Variants in ARHGAP12 observed in about 807,000 individuals in gnomAD.
ARHGAP12 encodes Rho GTPase activating protein 12.
Under a neutral mutation model 108.6 loss-of-function variants are expected in ARHGAP12, and 64 were observed. The ratio of observed to expected loss-of-function variants is 0.59; its 90% CI spans 0.48 to 0.73. The LOEUF is 0.73. Among genes scored for constraint, ARHGAP12 ranks in the 30% least tolerant of loss-of-function variants. The pLI, the probability that ARHGAP12 is intolerant of heterozygous loss-of-function variation, is 0.00. For synonymous variants in ARHGAP12, 312 were observed against 337.2 expected (o/e 0.93, Z 0.82); for missense variants, 940 against 1,005.9 (o/e 0.93, Z 0.89).
In ARHGAP12 at chr10:31,898,869, A is replaced by G. The variant is rs138530973; in HGVS notation, c.684+9303T>C. Among the ~76,000 whole-genome samples, 32 of 152,318 alleles carry G rather than the reference A, an allele frequency of 2.1e-4. No homozygotes were observed. In the East Asian group the frequency reaches 4.8e-3, roughly 23 times the overall value. On this transcript the variant is annotated intron_variant, in intron 3 of 19. Transcript: ENST00000344936. ...AATAGTGTAACAACAACAAACAAAA[A>G]AAAACACGTCCACAGATGTTTATAG...
chr10:31,871,192 C>T (rs1442359614), intron 3 of ARHGAP12, among the ~76,000 whole-genome samples: 1 of 152,170 alleles, frequency 6.6e-6, no homozygotes, highest in Non-Finnish European at 1.5e-5. Flanking sequence ...ACTTCAAGCA[C>T]AAGCAACACT....
intron 1 of ARHGAP12, among the ~76,000 whole-genome samples, chr10:31,914,837 T>C (rs1839490146): frequency 6.6e-6 from 1 of 152,198 alleles, no homozygotes; most frequent in Admixed American, 6.5e-5. Context: ...ATATCTGCAC[T>C]CCCACATTTA....
chr10:31,886,462 AT>A (rs910522092), intron 3 of ARHGAP12, among the ~76,000 whole-genome samples: 3 of 151,654 alleles, frequency 2.0e-5, no homozygotes, highest in African/African-American at 4.8e-5. Flanking sequence ...AACACCTAAG[AT>A]TTTTTTTTAA....
chr10:31,884,288 C>A (rs1348851484), intron 3 of ARHGAP12, among the ~76,000 whole-genome samples: 2 of 148,478 alleles, frequency 1.3e-5, no homozygotes, highest in East Asian at 2.1e-4. Flanking sequence ...TACATATTAA[C>A]ATATGTTTTT....
intron 3 of ARHGAP12, among the ~76,000 whole-genome samples, chr10:31,864,647 A>C (rs903781369): frequency 2.0e-5 from 3 of 152,236 alleles, no homozygotes; most frequent in African/African-American, 7.2e-5. Context: ...AAGGAAAATT[A>C]GGGATTTGGA....
At chr10:31,845,197 T>C (rs550187622) in intron 6 of ARHGAP12, among the ~76,000 whole-genome samples, 1 of 152,348 alleles carries the variant, frequency 6.6e-6, no homozygotes, top group African/African-American at 2.4e-5. Flanking sequence ...GACAAATGGG[T>C]AGTTTCATGT....
chr10:31,844,381 T>C (rs1251589708), intron 6 of ARHGAP12, among the ~76,000 whole-genome samples: 2 of 152,236 alleles, frequency 1.3e-5, no homozygotes, highest in Non-Finnish European at 2.9e-5. Context: ...AAATTAATCA[T>C]TGAGCATGAA....
chr10:31,920,582 T>C (rs1839763401), intron 1 of ARHGAP12, among the ~76,000 whole-genome samples: 1 of 152,088 alleles, frequency 6.6e-6, no homozygotes, highest in Non-Finnish European at 1.5e-5. Context: ...GTAAGTTTTA[T>C]TCAAATTGAT....
chr10:31,885,886 T>TA (rs1050425327), intron 3 of ARHGAP12, among the ~76,000 whole-genome samples: 1 of 151,732 alleles, frequency 6.6e-6, no homozygotes, highest in Non-Finnish European at 1.5e-5. Flanking sequence ...AACCATAGCT[T>TA]AAAAAAAAGA....
intron 3 of ARHGAP12, among the ~76,000 whole-genome samples, chr10:31,897,680 T>C (rs531878373): frequency 1.7e-4 from 26 of 152,144 alleles, no homozygotes; most frequent in Non-Finnish European, 3.4e-4. Context: ...CCCACTTCAG[T>C]TCCTATCACC....
At chr10:31,900,594 C>A (rs1477395762) in intron 3 of ARHGAP12, among the ~76,000 whole-genome samples, 2 of 152,172 alleles carry the variant, frequency 1.3e-5, no homozygotes, top group South Asian at 4.1e-4. Flanking sequence ...AGAAGCCAAT[C>A]TGAAAAGGCT....
chr10:31,873,499 C>A (rs1837614410), intron 3 of ARHGAP12, among the ~76,000 whole-genome samples: 1 of 152,158 alleles, frequency 6.6e-6, no homozygotes, highest in Non-Finnish European at 1.5e-5. Context: ...TGCTCAATAA[C>A]CACCCATGGC....
At chr10:31,919,252 G>A (rs1424394171) in intron 1 of ARHGAP12, among the ~76,000 whole-genome samples, 2 of 152,158 alleles carry the variant, frequency 1.3e-5, no homozygotes, top group African/African-American at 4.8e-5. Flanking sequence ...CTGCTTAATG[G>A]GTATGGAGTT....
chr10:31,886,167 C>CA (rs1231349152), intron 3 of ARHGAP12, among the ~76,000 whole-genome samples: 1 of 152,072 alleles, frequency 6.6e-6, no homozygotes, highest in Non-Finnish European at 1.5e-5. Context: ...AACAAAAATG[C>CA]AAAAAATTTT....
rs1245757905 is a variant in ARHGAP12, at chr10:31,861,572, G to A, written c.771C>T (p.Pro257=). ...GAATTGCCGGGCTCCCAGGAAGTGGGGGAAGAGCAGACTGGGATATTTTCA... is the reference window on the plus strand; with the variant it reads ...GAATTGCCGGGCTCCCAGGAAGTGGAGGAAGAGCAGACTGGGATATTTTCA... The part of the protein sequence containing the change: ...QELKISQSAL[P]PLPGSPAIQI... Residue 257 remains proline, a synonymous_variant, in exon 4 of 20, where the codon CCC becomes CCT. Transcript: ENST00000344936. 1.2e-6 allele frequency: 2 copies of A among 1,614,044 alleles called. No individual in the cohort carries two copies. Among genetic ancestry groups the A allele is most frequent in the Admixed American group, 3.3e-5 (2 of 60,004 alleles).
chr10:31,913,941 C>T (rs1047702959), intron 1 of ARHGAP12, among the ~76,000 whole-genome samples: 3 of 151,786 alleles, frequency 2.0e-5, no homozygotes, highest in Non-Finnish European at 4.4e-5. Flanking sequence ...TGGTATAGCA[C>T]GGGGGTTGTA....
chr10:31,891,868 C>T (rs967459867), intron 3 of ARHGAP12, among the ~76,000 whole-genome samples: 1 of 152,252 alleles, frequency 6.6e-6, no homozygotes, highest in South Asian at 2.1e-4. Flanking sequence ...TCCAGCTGAT[C>T]GAATTGGATA....
intron 3 of ARHGAP12, among the ~76,000 whole-genome samples, chr10:31,874,187 TA>T (rs1213016961): frequency 6.6e-6 from 1 of 152,216 alleles, no homozygotes; most frequent in Non-Finnish European, 1.5e-5. Flanking sequence ...TTCAAAAAGA[TA>T]AAAAATTGAT....
intron 4 of ARHGAP12, among the ~76,000 whole-genome samples, chr10:31,855,599 C>T (rs1032692736): frequency 2.0e-5 from 3 of 152,064 alleles, no homozygotes; most frequent in Non-Finnish European, 2.9e-5. Context: ...CATTGAAAGC[C>T]TAATTCAAAA....
Sources: gnomAD v4.1 joint callset for allele counts (sites outside exome capture counted in the v4.1 genomes callset) on GRCh38, gnomAD v4.1.1 for gene constraint, MANE v1.5 for transcripts, NCBI Gene and HGNC (gene_info 2026-07-23, HGNC 2026-07-21) for gene names.